KCNN2: variants seen among roughly 807,000 people sequenced by gnomAD.
KCNN2 encodes the protein small conductance calcium-activated potassium channel protein 2.
In KCNN2, 24 loss-of-function variants were observed where a neutral mutation model predicts 55.5. The ratio of observed to expected loss-of-function variants is 0.43; its 90% CI spans 0.31 to 0.61. The LOEUF (loss-of-function observed/expected upper bound fraction) is 0.61. Among genes scored for constraint, KCNN2 ranks in the 20% least tolerant of loss-of-function variants. The pLI, the probability that KCNN2 is intolerant of heterozygous loss-of-function variation, is 0.08. For synonymous variants in KCNN2, 431 were observed against 336.1 expected (o/e 1.28, Z -3.09); for missense variants, 754 against 853.6 (o/e 0.88, Z 1.45).
rs555115644 is a variant in KCNN2 at position 114,463,118 on chromosome 5, C to G, written c.1707C>G (p.Leu569=). 1.2e-6 allele frequency: 2 copies of G among 1,613,458 alleles called. No individual in the cohort carries two copies. Among genetic ancestry groups the G allele is most frequent in the African/African-American group, 2.7e-5 (2 of 74,912 alleles). ...GAMWLISITF[L]SIGYGDMVPN... Reference sequence around the variant, plus strand: ...TGTGGTTGATATCAATAACTTTTCTCTCCATTGGTTATGGTGACATGGTAC... The same window carrying G: ...TGTGGTTGATATCAATAACTTTTCTGTCCATTGGTTATGGTGACATGGTAC... The change falls in exon 4 of 8, where the codon CTC becomes CTG. Residue 569 remains leucine, a synonymous_variant. Coordinates refer to ENST00000673685, the MANE Select transcript of KCNN2 (RefSeq NM_021614.4).
chr5:114,250,415 A>G (rs1391887257), intron 2 of KCNN2, among the ~76,000 whole-genome samples: 1 of 152,102 alleles, frequency 6.6e-6, no homozygotes, highest in Non-Finnish European at 1.5e-5. Context: ...TTTATTGAGG[A>G]GTAGAGAGTG....
intron 2 of KCNN2, among the ~76,000 whole-genome samples, chr5:114,320,870 C>T (rs1250702964): frequency 6.6e-6 from 1 of 152,072 alleles, no homozygotes; most frequent in South Asian, 2.1e-4. Flanking sequence ...TGTCAAGTAT[C>T]CTGTCATGGA....
Position 114,198,463 on chromosome 5 carries a change from TACACAC to T in KCNN2, c.-270-22999_-270-22994del, listed in dbSNP as rs56335930. On this transcript the variant is annotated intron_variant, in intron 1 of 10. Coordinates refer to the KCNN2 transcript ENST00000512097. ...ATATGTGTTTACATATATATACATA[TACACAC>T]ACACACACACACACACATTTTCTTT... is the stretch of plus-strand genomic sequence containing the variant. Among the ~76,000 whole-genome samples the T allele has an allele frequency of 5.4e-5, 8 of 147,894 alleles. No individual in the cohort carries two copies. In the East Asian group the frequency reaches 5.9e-4, roughly 11 times the overall value.
chr5:114,149,387 G>A (rs1752469421), intron 1 of KCNN2, among the ~76,000 whole-genome samples: 1 of 152,136 alleles, frequency 6.6e-6, no homozygotes, highest in Non-Finnish European at 1.5e-5. Flanking sequence ...CCACAGTGCA[G>A]CGGGGCTCTT....
At chr5:114,189,937 TA>T in intron 1 of KCNN2, among the ~76,000 whole-genome samples, 1 of 152,046 alleles carries the variant, frequency 6.6e-6, no homozygotes, top group South Asian at 2.1e-4. Flanking sequence ...CCAGATGAAT[TA>T]AAGATCTCAA....
At chr5:114,207,269 C>G (rs1753795567) in intron 1 of KCNN2, among the ~76,000 whole-genome samples, 1 of 152,136 alleles carries the variant, frequency 6.6e-6, no homozygotes. Flanking sequence ...GACAGTGTCT[C>G]TAGAGAAAAT....
At chr5:114,420,054 T>C (rs1023179016) in intron 3 of KCNN2, among the ~76,000 whole-genome samples, 6 of 152,230 alleles carry the variant, frequency 3.9e-5, no homozygotes, top group South Asian at 4.1e-4. Context: ...TATGAAAGAA[T>C]TGCTCTGATC....
At chr5:114,247,202 CAAAAAAAAAAAAA>C (rs370172975) in intron 2 of KCNN2, among the ~76,000 whole-genome samples, 1 of 68,096 alleles carries the variant, frequency 1.5e-5, no homozygotes, top group South Asian at 6.2e-4. Context: ...CATATGTCTC[CAAAAAAAAAAAAA>C]AAAAAAAAGA....
intron 3 of KCNN2, among the ~76,000 whole-genome samples, chr5:114,445,355 T>C (rs557812322): frequency 6.6e-6 from 1 of 152,330 alleles, no homozygotes; most frequent in South Asian, 2.1e-4. Context: ...CCTTTTCAAT[T>C]GTAGATGTCA....
rs567610481 is a variant in KCNN2, at chr5:114,123,606, G to A, written c.-271+67106G>A. On this transcript the variant is annotated intron_variant, in intron 1 of 10. Transcript: ENST00000512097. The stretch of plus-strand genomic sequence containing the variant: ...TCTCGATCTCCTGACCTCGTGATCC[G>A]CCCGCCTCGGCCTCCCAAAGTGCTG... Among the ~76,000 whole-genome samples the A allele has an allele frequency of 7.8e-5, 5 of 64,112 alleles. 1 individual carries two copies. Among genetic ancestry groups the A allele is most frequent in the Non-Finnish European group, 1.6e-4 (5 of 30,634 alleles). The allele number at this position is 64,112 out of a possible 152,430, so 42.1% of individuals were successfully genotyped here.
chr5:114,412,370 T>C (rs1369522085), intron 3 of KCNN2, among the ~76,000 whole-genome samples: 1 of 152,236 alleles, frequency 6.6e-6, no homozygotes, highest in Non-Finnish European at 1.5e-5. Context: ...ACCACATGTA[T>C]TCATTACTTC....
intron 2 of KCNN2, among the ~76,000 whole-genome samples, chr5:114,247,849 G>A (rs1754778195): frequency 6.6e-6 from 1 of 152,100 alleles, no homozygotes; most frequent in Non-Finnish European, 1.5e-5. Flanking sequence ...TGTCTTAGGT[G>A]GGTTTCTGGA....
chr5:114,127,369 G>A (rs956745496), intron 1 of KCNN2, among the ~76,000 whole-genome samples: 22 of 152,270 alleles, frequency 1.4e-4, no homozygotes, highest in African/African-American at 4.6e-4. Context: ...GTTCCCCAAC[G>A]TCAGTGCTTG....
At chr5:114,239,158 A>C (rs529555127) in intron 2 of KCNN2, among the ~76,000 whole-genome samples, 14 of 152,268 alleles carry the variant, frequency 9.2e-5, no homozygotes, top group African/African-American at 3.1e-4. Flanking sequence ...GCATAATGGA[A>C]AGAAGCCCAT....
chr5:114,172,203 G>A (rs1753048076), intron 1 of KCNN2, among the ~76,000 whole-genome samples: 1 of 151,886 alleles, frequency 6.6e-6, no homozygotes, highest in Non-Finnish European at 1.5e-5. Context: ...TGAACTACCA[G>A]CACCACTTGT....
intron 3 of KCNN2, among the ~76,000 whole-genome samples, chr5:114,412,331 C>T (rs1335677984): frequency 2.6e-5 from 4 of 152,138 alleles, no homozygotes; most frequent in Non-Finnish European, 1.5e-5. Context: ...CAGTGGATGT[C>T]TTTTAATAAC....
chr5:114,108,466 A>G (rs180906378), intron 1 of KCNN2, among the ~76,000 whole-genome samples: 70 of 152,226 alleles, frequency 4.6e-4, no homozygotes, highest in African/African-American at 1.6e-3. Flanking sequence ...CACATATTAA[A>G]AAGCACTATA....
At chr5:114,450,905 C>T (rs1399199726) in intron 3 of KCNN2, among the ~76,000 whole-genome samples, 2 of 152,110 alleles carry the variant, frequency 1.3e-5, no homozygotes, top group African/African-American at 4.8e-5. Context: ...TTAGCTTAGA[C>T]CTAAATTCAT....
At chr5:114,115,323 C>T (rs777818251) in intron 1 of KCNN2, among the ~76,000 whole-genome samples, 1 of 152,074 alleles carries the variant, frequency 6.6e-6, no homozygotes, top group Non-Finnish European at 1.5e-5. Context: ...AACCATTTGT[C>T]ACCTATAAAA....
Sources: gnomAD v4.1 joint callset for allele counts (sites outside exome capture counted in the v4.1 genomes callset) on GRCh38, gnomAD v4.1.1 for gene constraint, MANE v1.5 for transcripts, NCBI Gene and HGNC (gene_info 2026-07-23, HGNC 2026-07-21) for gene names.